TNFRSF10B: variants seen among roughly 807,000 people sequenced by gnomAD.
TNFRSF10B encodes the protein tumor necrosis factor receptor superfamily member 10B.
Under a neutral mutation model 41.4 loss-of-function variants are expected in TNFRSF10B, and 35 were observed. The ratio of observed to expected loss-of-function variants is 0.85; its 90% CI spans 0.65 to 1.12. The LOEUF is 1.12. Among genes scored for constraint, TNFRSF10B ranks in the 50% most tolerant of loss-of-function variants. The pLI is 0.00. For synonymous variants in TNFRSF10B, 230 were observed against 215.5 expected, an observed-to-expected ratio of 1.07 and a Z score of -0.59; for missense variants, 584 against 552.7, an observed-to-expected ratio of 1.06 and a Z score of -0.57.
intron 1 of TNFRSF10B, among the ~76,000 whole-genome samples, chr8:23,045,634 G>C (rs1479430997): frequency 6.6e-6 from 1 of 152,094 alleles, no homozygotes; most frequent in Non-Finnish European, 1.5e-5. Flanking sequence ...AACACTGTAA[G>C]AAAAGAAAAT....
intron 1 of TNFRSF10B, among the ~76,000 whole-genome samples, chr8:23,056,624 C>G (rs1413636236): frequency 6.7e-6 from 1 of 149,160 alleles, no homozygotes; most frequent in African/African-American, 2.5e-5. Flanking sequence ...GCATTCTAGC[C>G]TGGGCAACAG....
intron 1 of TNFRSF10B, among the ~76,000 whole-genome samples, chr8:23,051,726 G>A (rs981356124): frequency 3.3e-5 from 5 of 151,992 alleles, no homozygotes; most frequent in Non-Finnish European, 7.4e-5. Flanking sequence ...TGTATTTTTA[G>A]TAGAGATGGG....
In TNFRSF10B at chr8:23,020,464, G is replaced by A. The variant is rs1182593919; in HGVS notation, c.*2207C>T. The A allele has an allele frequency of 2.2e-6, 1 of 454,066 alleles. No homozygotes were observed. The highest frequency in any genetic ancestry group is 2.3e-5 in the Admixed American group (1 of 42,560). The allele number at this position is 454,066 out of a possible 1,614,324, so 28.1% of individuals were successfully genotyped here. The stretch of plus-strand genomic sequence containing the variant: ...TAATCCCAGCACTTTCGGAGGCCAA[G>A]GTGGATCACCTGAGGTCAGGAGTTC... On this transcript the variant is annotated 3_prime_UTR_variant, in exon 9 of 9. Transcript: ENST00000276431.
intron 1 of TNFRSF10B, among the ~76,000 whole-genome samples, chr8:23,059,683 A>AT (rs113904198): frequency 2.3e-4 from 35 of 149,820 alleles, no homozygotes; most frequent in Admixed American, 4.7e-4. Context: ...ATTTTTTTGT[A>AT]TTTTTTTTTT....
At chr8:23,035,638 C>A (rs956593739) in intron 2 of TNFRSF10B, among the ~76,000 whole-genome samples, 2 of 152,140 alleles carry the variant, frequency 1.3e-5, no homozygotes, top group Non-Finnish European at 2.9e-5. Context: ...AGTAGAAGGA[C>A]AACAACTGGG....
chr8:23,054,463 G>T (rs1403116773), intron 1 of TNFRSF10B, among the ~76,000 whole-genome samples: 3 of 152,190 alleles, frequency 2.0e-5, no homozygotes, highest in Non-Finnish European at 4.4e-5. Flanking sequence ...GAAACTGTGA[G>T]TATTCTTAAG....
intron 1 of TNFRSF10B, among the ~76,000 whole-genome samples, chr8:23,059,509 G>T (rs58242310): frequency 0.38 from 57,789 of 151,874 alleles, 11,478 homozygotes; most frequent in East Asian, 0.64. Flanking sequence ...GTGTGTGTGT[G>T]TTGTTTTTGT....
chr8:23,044,187 A>C (rs1327309594), intron 1 of TNFRSF10B, among the ~76,000 whole-genome samples: 2 of 152,246 alleles, frequency 1.3e-5, no homozygotes, highest in Non-Finnish European at 2.9e-5. Flanking sequence ...ATGGATCCAA[A>C]ATCTAACATA....
At chr8:23,066,991 T>C (rs569168786) in intron 1 of TNFRSF10B, among the ~76,000 whole-genome samples, 1 of 151,122 alleles carries the variant, frequency 6.6e-6, no homozygotes, top group South Asian at 2.1e-4. Flanking sequence ...TTCTTTCTTT[T>C]TTTTGAGTTG....
chr8:23,028,845 C>T (rs1289555699), intron 4 of TNFRSF10B, among the ~76,000 whole-genome samples: 3 of 152,176 alleles, frequency 2.0e-5, no homozygotes, highest in Non-Finnish European at 4.4e-5. Flanking sequence ...CAGGAGCCTT[C>T]TGTGCTGGGC....
intron 1 of TNFRSF10B, among the ~76,000 whole-genome samples, chr8:23,061,033 T>C (rs1429125622): frequency 6.6e-6 from 1 of 152,184 alleles, no homozygotes; most frequent in African/African-American, 2.4e-5. Context: ...AAAAACACAG[T>C]TTAGATATAC....
At chr8:23,061,488 A>G (rs1469785372) in intron 1 of TNFRSF10B, among the ~76,000 whole-genome samples, 2 of 152,162 alleles carry the variant, frequency 1.3e-5, no homozygotes, top group Non-Finnish European at 2.9e-5. Flanking sequence ...ATCTGAAAAC[A>G]CAGATTATTT....
At chr8:23,026,221 A>C (rs79042829) in intron 7 of TNFRSF10B, among the ~76,000 whole-genome samples, 3,057 of 152,324 alleles carry the variant, frequency 0.02, 37 homozygotes, top group Middle Eastern at 0.048. Context: ...GGTGGAAGAG[A>C]TCTCTGCCCA....
At chr8:23,039,124 C>G (rs1201765496) in intron 2 of TNFRSF10B, among the ~76,000 whole-genome samples, 1 of 151,810 alleles carries the variant, frequency 6.6e-6, no homozygotes, top group African/African-American at 2.4e-5. Context: ...CAACCTAGAT[C>G]TCTCAAATGT....
chr8:23,054,621 C>T (rs1023480593), intron 1 of TNFRSF10B, among the ~76,000 whole-genome samples: 3 of 152,126 alleles, frequency 2.0e-5, no homozygotes, highest in Non-Finnish European at 2.9e-5. Flanking sequence ...CCAAGAAAGC[C>T]CTTGGAAACT....
chr8:23,022,446 A>G lies in TNFRSF10B; in HGVS notation c.*225T>C. On this transcript the variant is annotated 3_prime_UTR_variant, in exon 9 of 9. Transcript: ENST00000276431. ...TACGCACAAACGGAATGATCCAGAC[A>G]TTTCCATAGTGTCCTTATTATCACA... 1.5e-6 allele frequency: 1 copy of G among 667,310 alleles called. No individual in the cohort carries two copies. The highest frequency in any genetic ancestry group is 2.7e-6 in the Non-Finnish European group (1 of 365,358). The allele number at this position is 667,310 out of a possible 1,614,324, so 41.3% of individuals were successfully genotyped here.
chr8:23,053,392 T>TA (rs1170900000), intron 1 of TNFRSF10B, among the ~76,000 whole-genome samples: 1 of 152,214 alleles, frequency 6.6e-6, no homozygotes, highest in Non-Finnish European at 1.5e-5. Flanking sequence ...GAAAGTAAAA[T>TA]ATACTTTTGG....
chr8:23,067,765 G>A (rs899043926), intron 1 of TNFRSF10B, among the ~76,000 whole-genome samples: 4 of 152,162 alleles, frequency 2.6e-5, no homozygotes, highest in African/African-American at 9.7e-5. Flanking sequence ...CATTCTTCTA[G>A]GTCAACACCA....
chr8:23,046,446 A>G (rs576075028), intron 1 of TNFRSF10B, among the ~76,000 whole-genome samples: 1 of 152,226 alleles, frequency 6.6e-6, no homozygotes, highest in East Asian at 1.9e-4. Flanking sequence ...ATAAAACGGA[A>G]AGAGACACAA....
Sources: allele counts gnomAD v4.1 joint callset (sites outside exome capture counted in the v4.1 genomes callset), GRCh38; gene constraint gnomAD v4.1.1; transcripts MANE v1.5; gene names NCBI Gene and HGNC (gene_info 2026-07-23, HGNC 2026-07-21).